Variants in PRMT1 observed in about 807,000 individuals in gnomAD.
PRMT1 encodes the protein protein arginine methyltransferase 1.
A neutral mutation model predicts 47.4 loss-of-function variants in PRMT1; 5 were observed. The ratio of observed to expected loss-of-function variants is 0.11; its 90% CI spans 0.06 to 0.22. The LOEUF (loss-of-function observed/expected upper bound fraction) is 0.22. PRMT1 is among the 10% of genes least tolerant of loss of function. The pLI, the probability that PRMT1 is intolerant of heterozygous loss-of-function variation, is 1.00. For synonymous variants in PRMT1, 227 were observed against 204.6 expected, an observed-to-expected ratio of 1.11 and a Z score of -0.94; for missense variants, 249 against 518.4, an observed-to-expected ratio of 0.48 and a Z score of 5.05.
At chr19:49,683,757 A>G (rs547727814) in intron 5 of PRMT1, 170 bp from the exon 6 acceptor site, 31 of 720,354 alleles carry the variant, frequency 4.3e-5, no homozygotes, top group South Asian at 1.6e-4. Flanking sequence ...CTCCTGCCTC[A>G]AAAATGTCCA....
rs1304984810 is a variant in PRMT1 at position 49,686,652 on chromosome 19, G to A, written c.958G>A (p.Glu320Lys). ...THWKQTVFYM[E>K]DYLTVKTGEE... ...CTGGAAGCAGACGGTGTTCTACATG[G>A]AGGACTACCTGACCGTGAAGACGGG... The change falls in exon 10 of 11, where the codon GAG becomes AAG. Residue 320 changes from glutamate (E) to lysine (K), a missense_variant. Glu to Lys is a moderately conservative substitution (Grantham distance 56, BLOSUM62 1). Around this residue, in one of 2 missense-constraint regions of PRMT1, gnomAD observed 190 missense variants for 456.7 expected, o/e 0.42. Coordinates refer to ENST00000454376, the MANE Select transcript of PRMT1 (RefSeq NM_001536.6). 1 of 1,612,496 alleles carries A rather than the reference G, an allele frequency of 6.2e-7. No individual in the cohort carries two copies. Among genetic ancestry groups the A allele is most frequent in the Non-Finnish European group, 8.5e-7 (1 of 1,179,688 alleles).
chr19:49,683,687 CAAAAAA>C (rs34880220), intron 5 of PRMT1: 128 of 227,116 alleles, frequency 5.6e-4, no homozygotes, highest in East Asian at 9.5e-4. Flanking sequence ...GACTCCGTCT[CAAAAAA>C]AAAAAAAAAA....
chr19:49,688,176 C>A lies in PRMT1; in HGVS notation c.1047C>A (p.Phe349Leu). 6.2e-7 allele frequency: 1 copy of A among 1,613,966 alleles called. No homozygotes were observed. Reference protein sequence around the residue: ...PNAKNNRDLDFTIDLDFKGQL... With the variant: ...PNAKNNRDLDLTIDLDFKGQL... The stretch of plus-strand genomic sequence containing the variant: ...TCTCCCTGCAGCGGGACCTGGACTT[C>A]ACCATCGACCTGGACTTCAAGGGCC... The change falls in exon 11 of 11, where the codon TTC (phenylalanine) becomes TTA (leucine). Residue 349 changes from phenylalanine to leucine, a missense_variant. By Grantham distance (22) the Phe-to-Leu change is conservative. Around this residue, in one of 2 missense-constraint regions of PRMT1, gnomAD observed 190 missense variants for 456.7 expected, o/e 0.42. Coordinates refer to ENST00000454376, the MANE Select transcript of PRMT1 (RefSeq NM_001536.6). This position sits in a 1 kb window ranked among gnomAD's most constrained non-coding sequence, Gnocchi z 5.3.
Position 49,682,160 on chromosome 19 carries a change from G to T in PRMT1, c.349-36G>T, listed in dbSNP as rs374515262. Reference sequence around the variant, plus strand: ...TTGGATGGAGGTGATGGGGGCAGGGGATGGGTCTCACCCTCCCTTCTTCCT... The same window carrying T: ...TTGGATGGAGGTGATGGGGGCAGGGTATGGGTCTCACCCTCCCTTCTTCCT... On this transcript the variant is annotated intron_variant, in intron 4 of 10. Coordinates refer to ENST00000454376, the MANE Select transcript of PRMT1 (RefSeq NM_001536.6). 52 of 1,613,792 alleles carry T rather than the reference G, an allele frequency of 3.2e-5. No individual in the cohort carries two copies. The African/African-American group carries it at 6.3e-4, about 19-fold the overall frequency.
rs2082121200 is a variant in PRMT1 at position 49,681,733 on chromosome 19, A to G, written c.193-177A>G. ...AGCCTGGGCAACAGAGTGAGATTCC[A>G]TCTCAAAAAATAAAATAAAATAAAA... On this transcript the variant is annotated intron_variant, in intron 3 of 10. Transcript: ENST00000454376. This position sits in a 1 kb window ranked among gnomAD's most constrained non-coding sequence, Gnocchi z 4.4. Among the ~76,000 whole-genome samples, 1 of 152,064 alleles carries G rather than the reference A, an allele frequency of 6.6e-6. No individual in the cohort carries two copies. Among genetic ancestry groups the G allele is most frequent in the Non-Finnish European group, 1.5e-5 (1 of 68,022 alleles).
chr19:49,683,684 T>G, intron 5 of PRMT1: 2 of 379,570 alleles, frequency 5.3e-6, no homozygotes, highest in Non-Finnish European at 9.1e-6. Flanking sequence ...CAAGACTCCG[T>G]CTCAAAAAAA....
At position 49,685,042 on chromosome 19, in the gene PRMT1, G is replaced by C. The variant is rs369266976; in HGVS notation, c.759+5G>C. The C allele has an allele frequency of 8.3e-5, 134 of 1,613,992 alleles. No individual in the cohort carries two copies. The highest frequency in any genetic ancestry group is 1.1e-4 in the Non-Finnish European group (130 of 1,179,992). Reference sequence around the variant, plus strand: ...ACCAACGCCTGCCTCATAAAGGTGAGGGGGTGGGCATGGCCAGGTGCCCCC... The same window carrying C: ...ACCAACGCCTGCCTCATAAAGGTGACGGGGTGGGCATGGCCAGGTGCCCCC... On this transcript the variant is annotated splice_donor_5th_base_variant and intron_variant, in intron 8 of 10. Coordinates refer to ENST00000454376, the MANE Select transcript of PRMT1 (RefSeq NM_001536.6). The surrounding 1 kb of genome is among the most constrained non-coding windows in gnomAD (Gnocchi z 4.7).
Position 49,686,742 on chromosome 19 carries a change from G to C in PRMT1, c.1032+16G>C. ...CAAGAACAACGTGAGGCTCCGGGCA[G>C]CTGGGTGGGAGGGTGGCAGCTAGGG... On this transcript the variant is annotated intron_variant, in intron 10 of 10. Coordinates refer to ENST00000454376, the MANE Select transcript of PRMT1 (RefSeq NM_001536.6). 6.2e-7 allele frequency: 1 copy of C among 1,607,306 alleles called. No homozygotes were observed. Among genetic ancestry groups the C allele is most frequent in the Middle Eastern group, 1.9e-4 (1 of 5,298 alleles).
At chr19:49,687,258 G>T (rs369511574) in intron 10 of PRMT1, among the ~76,000 whole-genome samples, 16 of 152,092 alleles carry the variant, frequency 1.1e-4, no homozygotes, top group African/African-American at 3.6e-4. Flanking sequence ...GGGGGCTTCC[G>T]GGGGAGCTGG....
At chr19:49,676,850 T>A (rs1404363857), upstream of PRMT1, among the ~76,000 whole-genome samples, 1 of 152,188 alleles carries the variant, frequency 6.6e-6, no homozygotes, top group Admixed American at 6.5e-5. Context: ...CGCTTCCGGA[T>A]AAACCAATGG....
At position 49,688,105 on chromosome 19, in the gene PRMT1, G is replaced by T. The variant is rs376391371; in HGVS notation, c.1033-57G>T. The T allele has an allele frequency of 6.8e-7, 1 of 1,467,838 alleles. No homozygotes were observed. Among genetic ancestry groups the T allele is most frequent in the Non-Finnish European group, 9.5e-7 (1 of 1,053,202 alleles). 90.9% of individuals were successfully genotyped at this position (1,467,838 alleles called of 1,614,324 possible). A position where few individuals can be genotyped will look rare whatever the true frequency, so the allele number is the denominator to read the frequency against. On this transcript the variant is annotated intron_variant, in intron 10 of 10. Coordinates refer to ENST00000454376, the MANE Select transcript of PRMT1 (RefSeq NM_001536.6). The surrounding 1 kb of genome is among the most constrained non-coding windows in gnomAD (Gnocchi z 5.3). ...ATCGTCGCATAGCCTGCCTGCACCC[G>T]CCCCCCGCCACCACCTCCTGGTGGG...
At position 49,685,906 on chromosome 19, in the gene PRMT1, C is replaced by T. The variant is rs910402156; in HGVS notation, c.760-187C>T. 3 of 1,418,520 alleles carry T rather than the reference C, an allele frequency of 2.1e-6. No individual in the cohort carries two copies. Among genetic ancestry groups the T allele is most frequent in the African/African-American group, 2.9e-5 (2 of 69,226 alleles). 87.9% of individuals were successfully genotyped at this position (1,418,520 alleles called of 1,614,324 possible). A position where few individuals can be genotyped will look rare whatever the true frequency, so the allele number is the denominator to read the frequency against. On this transcript the variant is annotated intron_variant, in intron 8 of 10. Coordinates refer to ENST00000454376, the MANE Select transcript of PRMT1 (RefSeq NM_001536.6). This position sits in a 1 kb window ranked among gnomAD's most constrained non-coding sequence, Gnocchi z 4.7. Reference sequence around the variant, plus strand: ...AGCAAGGAATCTGGGCTCGAACCCACATGGTTTATTGGGAGCCGGATAGGC... The same window carrying T: ...AGCAAGGAATCTGGGCTCGAACCCATATGGTTTATTGGGAGCCGGATAGGC...
intron 2 of PRMT1, 42 bp downstream of exon 2, chr19:49,679,967 A>C (rs746975066): frequency 6.5e-7 from 1 of 1,550,262 alleles, no homozygotes. Context: ...CCTGACCTCC[A>C]CATCAATATA....
At position 49,688,378 on chromosome 19, in the gene PRMT1, A is replaced by G. The variant is rs2082243959; in HGVS notation, c.*133A>G. On this transcript the variant is annotated 3_prime_UTR_variant, in exon 11 of 11. Coordinates refer to ENST00000454376, the MANE Select transcript of PRMT1 (RefSeq NM_001536.6). This position sits in a 1 kb window ranked among gnomAD's most constrained non-coding sequence, Gnocchi z 5.3. ...TGGGCTGGGGGGATGGGGAGGGCAC[A>G]TCGTGACTGTGTTTTTCATAACTTA... The G allele has an allele frequency of 1.3e-6, 1 of 758,754 alleles. No homozygotes were observed. Among genetic ancestry groups the G allele is most frequent in the Non-Finnish European group, 2.2e-6 (1 of 448,250 alleles). The allele number at this position is 758,754 out of a possible 1,614,324, so 47.0% of individuals were successfully genotyped here. A position where few individuals can be genotyped will look rare whatever the true frequency, so the allele number is the denominator to read the frequency against.
intron 4 of PRMT1, 32 bp from the exon 5 acceptor site, chr19:49,682,164 G>GGT: frequency 6.2e-7 from 1 of 1,613,786 alleles, no homozygotes; most frequent in Non-Finnish European, 8.5e-7. Context: ...GCAGGGGATG[G>GGT]GTCTCACCCT....
At chr19:49,677,349 G>T (rs1314785106) in intron 1 of PRMT1, 33 bp downstream of exon 1, 3 of 1,375,048 alleles carry the variant, frequency 2.2e-6, no homozygotes, top group Admixed American at 3.0e-5. Flanking sequence ...TGGGCGGGAG[G>T]CGGCTTTGGG....
In PRMT1 at chr19:49,685,716, G is replaced by A; in HGVS notation, c.760-377G>A. 1 of 1,052,824 alleles carries A rather than the reference G, an allele frequency of 9.5e-7. No homozygotes were observed. The highest frequency in any genetic ancestry group is 1.1e-6 in the Non-Finnish European group (1 of 871,658). The allele number at this position is 1,052,824 out of a possible 1,614,324, so 65.2% of individuals were successfully genotyped here. ...TCGGGCCACCCTCCTGAGAGCCAGG[G>A]GAACTGGCGCAGGGTTTAGGTTGGC... On this transcript the variant is annotated intron_variant, in intron 8 of 10. Coordinates refer to ENST00000454376, the MANE Select transcript of PRMT1 (RefSeq NM_001536.6). The surrounding 1 kb of genome is among the most constrained non-coding windows in gnomAD (Gnocchi z 4.7).
At position 49,680,082 on chromosome 19, in the gene PRMT1, C is replaced by A; in HGVS notation, c.90+157C>A. Reference sequence around the variant, plus strand: ...CACTTAGTAGCAACCCCTCCAGGTTCACAGCCCCCGCTGGCCTCCCCCAGT... The same window carrying A: ...CACTTAGTAGCAACCCCTCCAGGTTAACAGCCCCCGCTGGCCTCCCCCAGT... On this transcript the variant is annotated intron_variant, in intron 2 of 10. Coordinates refer to ENST00000454376, the MANE Select transcript of PRMT1 (RefSeq NM_001536.6). This position sits in a 1 kb window ranked among gnomAD's most constrained non-coding sequence, Gnocchi z 4.2. The A allele has an allele frequency of 1.8e-6, 2 of 1,094,770 alleles. No homozygotes were observed. Among genetic ancestry groups the A allele is most frequent in the Non-Finnish European group, 2.7e-6 (2 of 737,370 alleles). The allele number at this position is 1,094,770 out of a possible 1,614,324, so 67.8% of individuals were successfully genotyped here.
chr19:49,685,814 C>T lies in PRMT1; in HGVS notation c.760-279C>T. ...GTTGGGGAGACAGTGGAGTGGGGCG[C>T]CTGCATTCTAGGAGGTCTGGACAGA... On this transcript the variant is annotated intron_variant, in intron 8 of 10. Coordinates refer to ENST00000454376, the MANE Select transcript of PRMT1 (RefSeq NM_001536.6). The surrounding 1 kb of genome is among the most constrained non-coding windows in gnomAD (Gnocchi z 4.7). 8.0e-7 allele frequency: 1 copy of T among 1,250,946 alleles called. No individual in the cohort carries two copies. Among genetic ancestry groups the T allele is most frequent in the Non-Finnish European group, 1.0e-6 (1 of 992,596 alleles). The allele number at this position is 1,250,946 out of a possible 1,614,324, so 77.5% of individuals were successfully genotyped here. A position where few individuals can be genotyped will look rare whatever the true frequency, so the allele number is the denominator to read the frequency against.
Sources: allele counts gnomAD v4.1 joint callset (sites outside exome capture counted in the v4.1 genomes callset), GRCh38; gene constraint gnomAD v4.1.1; regional missense constraint gnomAD v4.1.1; non-coding constraint Gnocchi (gnomAD v3.1); transcripts MANE v1.5; gene names NCBI Gene and HGNC (gene_info 2026-07-23, HGNC 2026-07-21).